UNC13B: variants seen among roughly 807,000 people sequenced by gnomAD.
The protein encoded by UNC13B is unc-13 homolog B.
UNC13B carries 144 observed loss-of-function variants against 211.0 expected under a neutral mutation model. That is an observed-to-expected ratio of 0.68 (90% CI 0.60 to 0.78). UNC13B has a LOEUF of 0.78. UNC13B is among the 30% of genes least tolerant of loss of function. UNC13B has a pLI of 0.00. For synonymous variants in UNC13B, 709 were observed against 725.8 expected, an observed-to-expected ratio of 0.98 and a Z score of 0.37; for missense variants, 1,777 against 2,002.0, an observed-to-expected ratio of 0.89 and a Z score of 2.14.
At chr9:35,274,077 C>T (rs188849870) in intron 7 of UNC13B, among the ~76,000 whole-genome samples, 37 of 152,180 alleles carry the variant, frequency 2.4e-4, no homozygotes, top group African/African-American at 8.2e-4. Flanking sequence ...CTAACTACCT[C>T]GCACAGCTCC....
At chr9:35,234,142 G>T (rs1930360) in intron 3 of UNC13B, among the ~76,000 whole-genome samples, 17 of 152,174 alleles carry the variant, frequency 1.1e-4, no homozygotes, top group African/African-American at 4.1e-4. Flanking sequence ...GTGGGACAGG[G>T]TCTCACTCTG....
intron 1 of UNC13B, among the ~76,000 whole-genome samples, chr9:35,202,400 T>A (rs1341963996): frequency 6.6e-6 from 1 of 152,200 alleles, no homozygotes; most frequent in Non-Finnish European, 1.5e-5. Context: ...TTCCTGGATA[T>A]CCTTGTTAAC....
intron 1 of UNC13B, among the ~76,000 whole-genome samples, chr9:35,170,441 C>T (rs1821273371): frequency 6.6e-6 from 1 of 151,890 alleles, no homozygotes; most frequent in Non-Finnish European, 1.5e-5. Context: ...GTTGGGATTA[C>T]AGATGTGAGC....
chr9:35,377,819 G>A, intron 16 of UNC13B, 124 bp downstream of exon 16: 10 of 1,020,356 alleles, frequency 9.8e-6, no homozygotes, highest in Non-Finnish European at 1.4e-5. Context: ...TCACTGGGAA[G>A]GAAAGGCCTC....
At chr9:35,333,754 A>T (rs1411433277) in intron 11 of UNC13B, among the ~76,000 whole-genome samples, 4 of 152,294 alleles carry the variant, frequency 2.6e-5, no homozygotes, top group Non-Finnish European at 5.9e-5. Context: ...TGTACATTTT[A>T]TCTGTGTCCC....
chr9:35,181,487 G>T (rs948161545), intron 1 of UNC13B, among the ~76,000 whole-genome samples: 1 of 152,126 alleles, frequency 6.6e-6, no homozygotes, highest in Non-Finnish European at 1.5e-5. Context: ...TACCTATACG[G>T]TACTAATTAT....
At chr9:35,243,190 C>T in intron 5 of UNC13B, 101 bp from the exon 6 acceptor site, 1 of 1,167,826 alleles carries the variant, frequency 8.6e-7, no homozygotes, top group South Asian at 1.3e-5. Flanking sequence ...ATCACTACCA[C>T]CTTCTGACTT....
At chr9:35,247,705 C>T (rs527525262) in intron 6 of UNC13B, among the ~76,000 whole-genome samples, 19 of 152,150 alleles carry the variant, frequency 1.2e-4, no homozygotes, top group East Asian at 3.9e-4. Flanking sequence ...GGATGAAGCC[C>T]ACTTAATCAT....
At chr9:35,333,182 A>G (rs1831465472) in intron 11 of UNC13B, among the ~76,000 whole-genome samples, 1 of 152,256 alleles carries the variant, frequency 6.6e-6, no homozygotes, top group Non-Finnish European at 1.5e-5. Context: ...ATTAAAATAC[A>G]GAGTAGAGAA....
At position 35,307,885 on chromosome 9, in the gene UNC13B, A is replaced by G. The variant is rs1168827117; in HGVS notation, c.8481A>G (p.Val2827=). 8 of 398,876 alleles carry G rather than the reference A, an allele frequency of 2.0e-5. No homozygotes were observed. The highest frequency in any genetic ancestry group is 3.5e-5 in the Non-Finnish European group (8 of 226,094). The allele number at this position is 398,876 out of a possible 1,614,324, so 24.7% of individuals were successfully genotyped here. A position where few individuals can be genotyped will look rare whatever the true frequency, so the allele number is the denominator to read the frequency against. ...FEGSSEGKGS[V]LASDSKLGFG... is the part of the protein sequence containing the mutation. ...GAAGTAGTGAGGGGAAAGGGAGTGT[A>G]TTAGCAAGTGATTCAAAACTAGGAT... Residue 2827 remains valine (V), a synonymous_variant, in exon 9 of 40, where the codon GTA becomes GTG. Coordinates refer to ENST00000635942, the MANE Select transcript of UNC13B (RefSeq NM_001371189.2).
chr9:35,276,684 A>G (rs1021698696), intron 7 of UNC13B, among the ~76,000 whole-genome samples: 2 of 152,334 alleles, frequency 1.3e-5, no homozygotes, highest in African/African-American at 4.8e-5. Flanking sequence ...AATGTGTAAT[A>G]TAGAAAGTGA....
At chr9:35,394,688 G>A (rs1835762737) in intron 26 of UNC13B, among the ~76,000 whole-genome samples, 1 of 152,144 alleles carries the variant, frequency 6.6e-6, no homozygotes, top group Non-Finnish European at 1.5e-5. Context: ...TCATGAGGTT[G>A]GAAGAGCTCT....
chr9:35,336,148 A>C (rs1323013449), intron 11 of UNC13B, among the ~76,000 whole-genome samples: 1 of 152,042 alleles, frequency 6.6e-6, no homozygotes, highest in South Asian at 2.1e-4. Flanking sequence ...CCAAATTACT[A>C]TCTCTACCTC....
intron 1 of UNC13B, among the ~76,000 whole-genome samples, chr9:35,172,518 G>A (rs1821388914): frequency 6.6e-6 from 1 of 152,166 alleles, no homozygotes; most frequent in Non-Finnish European, 1.5e-5. Flanking sequence ...CTCTGGATGA[G>A]GAAGGTTAGA....
In UNC13B at chr9:35,381,137, C is replaced by A. The variant is rs770684008; in HGVS notation, c.10413C>A (p.Ile3471=). The A allele has an allele frequency of 6.2e-7, 1 of 1,614,134 alleles. No individual in the cohort carries two copies. The highest frequency in any genetic ancestry group is 1.7e-5 in the Admixed American group (1 of 60,024). Residue 3471 remains isoleucine (I), a synonymous_variant, in exon 19 of 40, where the codon ATC becomes ATA. Coordinates refer to ENST00000635942, the MANE Select transcript of UNC13B (RefSeq NM_001371189.2). ...RTDKSAVSGA[I]RLQISVEIKG... is the part of the protein sequence containing the mutation. ...ACAAATCAGCCGTCTCAGGGGCTATCCGACTACAAATCAGTGTGGAGATCA... is the reference window on the plus strand; with the variant it reads ...ACAAATCAGCCGTCTCAGGGGCTATACGACTACAAATCAGTGTGGAGATCA...
chr9:35,271,462 T>G (rs1392103066), intron 7 of UNC13B, among the ~76,000 whole-genome samples: 1 of 152,192 alleles, frequency 6.6e-6, no homozygotes, highest in Non-Finnish European at 1.5e-5. Flanking sequence ...CAATCTGATT[T>G]GCATATTTGA....
intron 25 of UNC13B, 150 bp from the exon 26 acceptor site, chr9:35,390,479 C>T: frequency 1.2e-6 from 1 of 842,026 alleles, no homozygotes; most frequent in Non-Finnish European, 1.9e-6. Context: ...GGCCCCTGGG[C>T]CCCTTTTCTC....
At chr9:35,167,754 A>ATTTTTTT (rs765603183) in intron 1 of UNC13B, among the ~76,000 whole-genome samples, 1 of 115,684 alleles carries the variant, frequency 8.6e-6, no homozygotes, top group Non-Finnish European at 1.8e-5. Context: ...TGCCTGGCTA[A>ATTTTTTT]TTTTTTTTTT....
intron 1 of UNC13B, among the ~76,000 whole-genome samples, chr9:35,187,952 GAAAC>G (rs2131330783): frequency 6.6e-6 from 1 of 152,286 alleles, no homozygotes; most frequent in South Asian, 2.1e-4. Flanking sequence ...TAGGCAGAGA[GAAAC>G]AAACATACTC....
Sources: allele counts gnomAD v4.1 joint callset (sites outside exome capture counted in the v4.1 genomes callset), GRCh38; gene constraint gnomAD v4.1.1; transcripts MANE v1.5; gene names NCBI Gene and HGNC (gene_info 2026-07-23, HGNC 2026-07-21).